ZSWIM3: variants seen among roughly 807,000 people sequenced by gnomAD.
ZSWIM3 encodes zinc finger SWIM-type containing 3.
Under a neutral mutation model 47.5 loss-of-function variants are expected in ZSWIM3, and 27 were observed. That is an observed-to-expected ratio of 0.57 (90% CI 0.42 to 0.78). The LOEUF is 0.78. Ranked by LOEUF, ZSWIM3 falls within the 30% of genes least tolerant of loss-of-function variation. The probability of loss-of-function intolerance (pLI) is 0.00; values close to 1 mark genes in which losing one functional copy is unlikely to be tolerated. For missense variants in ZSWIM3, 689 were observed against 861.3 expected (o/e 0.80, Z 2.50); for synonymous variants, 333 against 333.9 (o/e 1.00, Z 0.03).
intron 1 of ZSWIM3, among the ~76,000 whole-genome samples, chr20:45,864,994 C>A (rs1219083747): frequency 6.6e-6 from 1 of 151,954 alleles, no homozygotes; most frequent in Non-Finnish European, 1.5e-5. Context: ...CACGGAGAAA[C>A]CCTGTCTCTA....
intron 1 of ZSWIM3, chr20:45,872,881 T>A: frequency 8.3e-7 from 1 of 1,207,362 alleles, no homozygotes; most frequent in Non-Finnish European, 1.1e-6. Flanking sequence ...GACTCACACA[T>A]CCTGTTTTCC....
At chr20:45,859,792 CAAAAAAAAAAAAA>C (rs765560893) in intron 1 of ZSWIM3, among the ~76,000 whole-genome samples, 1 of 52,098 alleles carries the variant, frequency 1.9e-5, no homozygotes, top group Admixed American at 2.4e-4. Flanking sequence ...GAGAGGAATA[CAAAAAAAAAAAAA>C]AAAAAAAAAA....
intron 1 of ZSWIM3, 55 bp from the exon 2 acceptor site, chr20:45,876,659 A>G (rs1986098730): frequency 1.2e-5 from 18 of 1,559,652 alleles, no homozygotes; most frequent in Admixed American, 7.5e-5. Context: ...TCTTATCTTT[A>G]TAAGGGGTGG....
intron 1 of ZSWIM3, among the ~76,000 whole-genome samples, chr20:45,860,787 C>G (rs534922784): frequency 6.6e-6 from 1 of 152,190 alleles, no homozygotes; most frequent in Non-Finnish European, 1.5e-5. Flanking sequence ...CTGATAGCCA[C>G]CTTAATTCTA....
intron 1 of ZSWIM3, among the ~76,000 whole-genome samples, chr20:45,864,775 C>G (rs1985795131): frequency 6.6e-6 from 1 of 152,108 alleles, no homozygotes; most frequent in African/African-American, 2.4e-5. Flanking sequence ...GCAGGAGGAT[C>G]CCTTGAACCC....
chr20:45,876,345 G>A (rs1381130357), intron 1 of ZSWIM3, among the ~76,000 whole-genome samples: 1 of 145,278 alleles, frequency 6.9e-6, no homozygotes, highest in African/African-American at 2.6e-5. Context: ...GCGCCCAGCT[G>A]TTTGTTTTTT....
chr20:45,875,034 A>ATT (rs1986056553), intron 1 of ZSWIM3, among the ~76,000 whole-genome samples: 1 of 104,154 alleles, frequency 9.6e-6, no homozygotes, highest in African/African-American at 3.4e-5. Flanking sequence ...TTTAATTTTA[A>ATT]CTTTTTTTTT....
intron 1 of ZSWIM3, among the ~76,000 whole-genome samples, chr20:45,865,642 A>T (rs1240229288): frequency 6.6e-6 from 1 of 152,154 alleles, no homozygotes; most frequent in Non-Finnish European, 1.5e-5. Context: ...GACCTTGGGT[A>T]AAACTTAACC....
At position 45,868,290 on chromosome 20, in the gene ZSWIM3, TGAAAA is replaced by T. The variant is rs146458019; in HGVS notation, c.156-8422_156-8418del. On this transcript the variant is annotated intron_variant, in intron 1 of 1. Transcript: ENST00000255152. ...CAAAGATGATGAGATGGTAAAAACT[TGAAAA>T]GTAGAGGATTTGCCTAGGAAAAATT... is the stretch of plus-strand genomic sequence containing the variant. Among the ~76,000 whole-genome samples the T allele has an allele frequency of 5.3e-3, 803 of 152,300 alleles. 4 individuals are homozygous for T. Among genetic ancestry groups the T allele is most frequent in the African/African-American group, 0.018 (762 of 41,570 alleles).
chr20:45,874,735 T>TCTG (rs1986050347), intron 1 of ZSWIM3, among the ~76,000 whole-genome samples: 3 of 151,618 alleles, frequency 2.0e-5, no homozygotes, highest in South Asian at 2.1e-4. Context: ...AGCTAAGCAC[T>TCTG]CTGCTGCTGC....
Position 45,877,226 on chromosome 20 carries a change from T to C in ZSWIM3, c.668T>C (p.Leu223Pro), listed in dbSNP as rs1225934290. The change falls in exon 2 of 2, where the codon CTA becomes CCA. Residue 223 changes from leucine to proline, a missense_variant. Transcript: ENST00000255152. ...LFIRFPENLLLHRVENTQGHI... is the reference protein window; with the variant it reads ...LFIRFPENLLPHRVENTQGHI... ...ATCCGCTTCCCAGAGAATCTCTTGC[T>C]ACACCGGGTGGAGAACACCCAGGGC... is the stretch of plus-strand genomic sequence containing the variant. 1 of 1,613,944 alleles carries C rather than the reference T, an allele frequency of 6.2e-7. No homozygotes were observed. Among genetic ancestry groups the C allele is most frequent in the Non-Finnish European group, 8.5e-7 (1 of 1,179,998 alleles).
At position 45,861,466 on chromosome 20, in the gene ZSWIM3, C is replaced by T. The variant is rs547226342; in HGVS notation, c.155+3486C>T. 6.6e-5 allele frequency among the ~76,000 whole-genome samples: 10 copies of T among 150,776 alleles called. No homozygotes were observed. In the South Asian group the frequency reaches 8.4e-4, roughly 13 times the overall value. On this transcript the variant is annotated intron_variant, in intron 1 of 1. Coordinates refer to ENST00000255152, the MANE Select transcript of ZSWIM3 (RefSeq NM_080752.4). ...AAGCAAGCAGTGATGTATGTTTGCACGCACATACAAAAGCCATGAGGAGAC... is the reference window on the plus strand; with the variant it reads ...AAGCAAGCAGTGATGTATGTTTGCATGCACATACAAAAGCCATGAGGAGAC...
At chr20:45,858,005 G>A in intron 1 of ZSWIM3, 25 bp downstream of exon 1, 2 of 629,416 alleles carry the variant, frequency 3.2e-6, no homozygotes, top group South Asian at 1.4e-5. Flanking sequence ...GGCGGGGCGG[G>A]CCAAGAGGGT....
At chr20:45,869,942 G>T (rs1283907342) in intron 1 of ZSWIM3, among the ~76,000 whole-genome samples, 1 of 151,478 alleles carries the variant, frequency 6.6e-6, no homozygotes, top group Non-Finnish European at 1.5e-5. Context: ...TACTCGGGAG[G>T]CTAAGCCAGG....
In ZSWIM3 at chr20:45,877,851, G is replaced by A; in HGVS notation, c.1293G>A (p.Leu431=). 16 of 1,614,190 alleles carry A rather than the reference G, an allele frequency of 9.9e-6. No individual in the cohort carries two copies. The highest frequency in any genetic ancestry group is 1.6e-4 in the Middle Eastern group (1 of 6,062). ...TAGACTTCTTTAATACCAAAGGCTTGAAGAACTTGCCCACACCTCCTCCCA... is the reference window on the plus strand; with the variant it reads ...TAGACTTCTTTAATACCAAAGGCTTAAAGAACTTGCCCACACCTCCTCCCA... The part of the protein sequence containing the change: ...DYIDFFNTKG[L]KNLPTPPPKL... Residue 431 remains leucine, a synonymous_variant, in exon 2 of 2, where the codon TTG becomes TTA. Coordinates refer to ENST00000255152, the MANE Select transcript of ZSWIM3 (RefSeq NM_080752.4).
chr20:45,871,702 GAA>G (rs1985977637), intron 1 of ZSWIM3, among the ~76,000 whole-genome samples: 1 of 147,854 alleles, frequency 6.8e-6, no homozygotes, highest in Non-Finnish European at 1.5e-5. Flanking sequence ...AAAAAAAAAA[GAA>G]AGAAAAAAAT....
intron 1 of ZSWIM3, among the ~76,000 whole-genome samples, chr20:45,870,695 T>A (rs1985955696): frequency 6.6e-6 from 1 of 152,120 alleles, no homozygotes; most frequent in South Asian, 2.1e-4. Flanking sequence ...ATTTATTTTT[T>A]TTTTTTTTAC....
intron 1 of ZSWIM3, among the ~76,000 whole-genome samples, chr20:45,867,002 A>ATTT (rs35863246): frequency 8.0e-5 from 11 of 137,472 alleles, no homozygotes; most frequent in East Asian, 4.4e-4. Flanking sequence ...CAAGTTAGAA[A>ATTT]TTTTTTTTTT....
chr20:45,861,683 T>C (rs1985711967), intron 1 of ZSWIM3, among the ~76,000 whole-genome samples: 1 of 152,044 alleles, frequency 6.6e-6, no homozygotes, highest in Non-Finnish European at 1.5e-5. Flanking sequence ...CAAGTAATCT[T>C]ACTACCTCAG....
Sources: gnomAD v4.1 joint callset for allele counts (sites outside exome capture counted in the v4.1 genomes callset) on GRCh38, gnomAD v4.1.1 for gene constraint, MANE v1.5 for transcripts, NCBI Gene and HGNC (gene_info 2026-07-23, HGNC 2026-07-21) for gene names.